PRKCE: variants seen among roughly 807,000 people sequenced by gnomAD.
PRKCE encodes protein kinase C epsilon.
In PRKCE, 16 loss-of-function variants were observed where a neutral mutation model predicts 85.4. That is an observed-to-expected ratio of 0.19 (90% confidence interval 0.13 to 0.28). The LOEUF (loss-of-function observed/expected upper bound fraction) is 0.28, where lower values mean the gene tolerates loss of function less well. Among genes scored for constraint, PRKCE ranks in the 10% least tolerant of loss-of-function variants. The pLI, the probability that PRKCE is intolerant of heterozygous loss-of-function variation, is 1.00. For missense variants in PRKCE, 573 were observed against 975.2 expected (o/e 0.59, Z 5.49); for synonymous variants, 388 against 371.5 (o/e 1.04, Z -0.51).
At position 46,004,136 on chromosome 2, in the gene PRKCE, G is replaced by A; in HGVS notation, c.967-406G>A. Reference sequence around the variant, plus strand: ...CCTTTTCCTGCTGTACCCGTCCAATGTAGATGATGTATTTCTTCCTGTAAA... The same window carrying A: ...CCTTTTCCTGCTGTACCCGTCCAATATAGATGATGTATTTCTTCCTGTAAA... On this transcript the variant is annotated intron_variant, in intron 7 of 14. Coordinates refer to ENST00000306156, the MANE Select transcript of PRKCE (RefSeq NM_005400.3). The surrounding 1 kb of genome is among the most constrained non-coding windows in gnomAD (Gnocchi z 4.1). 1 of 291,402 alleles carries A rather than the reference G, an allele frequency of 3.4e-6. No individual in the cohort carries two copies. 18.1% of individuals were successfully genotyped at this position (291,402 alleles called of 1,614,324 possible).
chr2:45,718,717 G>A (rs1168480104), intron 1 of PRKCE, among the ~76,000 whole-genome samples: 5 of 152,046 alleles, frequency 3.3e-5, no homozygotes, highest in Admixed American at 6.6e-5. Flanking sequence ...TGGGACTCTC[G>A]GATAAGTTTG....
rs1052907867 is a variant in PRKCE at position 45,802,102 on chromosome 2, A to C, written c.349-40898A>C. Among the ~76,000 whole-genome samples, 7 of 150,528 alleles carry C rather than the reference A, an allele frequency of 4.7e-5. No individual in the cohort carries two copies. The South Asian group carries it at 8.4e-4, about 18-fold the overall frequency. ...CTATCTTAAAAAAAAAAAAAAAAAAAACACCCAAAAACTTAGCAGGGTGTG... is the reference window on the plus strand; with the variant it reads ...CTATCTTAAAAAAAAAAAAAAAAAACACACCCAAAAACTTAGCAGGGTGTG... On this transcript the variant is annotated intron_variant, in intron 1 of 14. Transcript: ENST00000306156.
At position 46,044,048 on chromosome 2, in the gene PRKCE, G is replaced by A. The variant is rs1048937380; in HGVS notation, c.1437+33531G>A. ...GTTAGGATTTCATGCCAACCACCTT[G>A]GATGGGAGGCCAAGATACATTTCTA... On this transcript the variant is annotated intron_variant, in intron 10 of 14. Coordinates refer to ENST00000306156, the MANE Select transcript of PRKCE (RefSeq NM_005400.3). 8.5e-5 allele frequency among the ~76,000 whole-genome samples: 13 copies of A among 152,294 alleles called. No individual in the cohort carries two copies. The East Asian group carries it at 2.3e-3, about 27-fold the overall frequency.
intron 1 of PRKCE, among the ~76,000 whole-genome samples, chr2:45,674,143 C>T (rs529014809): frequency 5.6e-4 from 86 of 152,256 alleles, no homozygotes; most frequent in Non-Finnish European, 1.0e-3. Context: ...GGTTGACTTG[C>T]GGCGAAAATG....
chr2:45,744,418 TTTCTTTC>T (rs1372334275), intron 1 of PRKCE, among the ~76,000 whole-genome samples: 112 of 10,232 alleles, frequency 0.011, 1 homozygote, highest in Admixed American at 0.013. Flanking sequence ...TTTTCTTTTC[TTTCTTTC>T]TTTCTTTCTT....
intron 10 of PRKCE, among the ~76,000 whole-genome samples, chr2:46,025,957 A>T (rs975114947): frequency 6.6e-6 from 1 of 152,226 alleles, no homozygotes; most frequent in Non-Finnish European, 1.5e-5. Context: ...AAACACTGGA[A>T]GTCAGTACCT....
chr2:46,095,719 C>T (rs1425202236), intron 11 of PRKCE, among the ~76,000 whole-genome samples: 1 of 152,194 alleles, frequency 6.6e-6, no homozygotes, highest in Non-Finnish European at 1.5e-5. Flanking sequence ...TTTCAAGATT[C>T]CAACATTGTG....
intron 2 of PRKCE, among the ~76,000 whole-genome samples, chr2:45,868,418 G>A (rs1693801797): frequency 6.7e-6 from 1 of 148,524 alleles, no homozygotes; most frequent in East Asian, 2.1e-4. Context: ...TAAGGTATAA[G>A]TAGTTGCTAG....
At chr2:45,816,875 ACAGC>A (rs1689089420) in intron 1 of PRKCE, among the ~76,000 whole-genome samples, 1 of 152,142 alleles carries the variant, frequency 6.6e-6, no homozygotes, top group Non-Finnish European at 1.5e-5. Flanking sequence ...TCCTTTTGGT[ACAGC>A]TCTTTTAAAG....
At chr2:45,749,986 A>T (rs549178321) in intron 1 of PRKCE, among the ~76,000 whole-genome samples, 16 of 152,344 alleles carry the variant, frequency 1.1e-4, no homozygotes, top group African/African-American at 3.8e-4. Context: ...TATTAAAAAA[A>T]TCTTCACTTG....
At chr2:45,740,018 A>G (rs1257495768) in intron 1 of PRKCE, among the ~76,000 whole-genome samples, 1 of 152,146 alleles carries the variant, frequency 6.6e-6, no homozygotes, top group African/African-American at 2.4e-5. Context: ...AGATTCATTC[A>G]AGAATAATTG....
intron 11 of PRKCE, among the ~76,000 whole-genome samples, chr2:46,140,318 G>C (rs1017789797): frequency 1.3e-5 from 2 of 152,184 alleles, no homozygotes; most frequent in African/African-American, 4.8e-5. Flanking sequence ...ATAATTAAAA[G>C]AGTGTGGTAT....
At chr2:46,081,359 T>C (rs1669060046) in intron 10 of PRKCE, among the ~76,000 whole-genome samples, 2 of 152,226 alleles carry the variant, frequency 1.3e-5, no homozygotes, top group South Asian at 4.1e-4. Context: ...TGTTTGCTTT[T>C]AAAAGAGATT....
chr2:46,126,356 G>T lies in PRKCE; in HGVS notation c.1593-18737G>T, dbSNP rs148462850. On this transcript the variant is annotated intron_variant, in intron 11 of 14. Transcript: ENST00000306156. Reference sequence around the variant, plus strand: ...TTGTAGACCTCGCTGCCTATTGGGGGCATTCACATTTTCTTGTAATATATA... The same window carrying T: ...TTGTAGACCTCGCTGCCTATTGGGGTCATTCACATTTTCTTGTAATATATA... 1.6e-3 allele frequency among the ~76,000 whole-genome samples: 239 copies of T among 152,148 alleles called. 2 individuals are homozygous for T. The highest frequency in any genetic ancestry group is 5.4e-3 in the African/African-American group (225 of 41,488).
intron 1 of PRKCE, among the ~76,000 whole-genome samples, chr2:45,686,893 T>C (rs1677340035): frequency 6.6e-6 from 1 of 152,146 alleles, no homozygotes. Flanking sequence ...TATTCAATAG[T>C]TTGGGACAAC....
intron 2 of PRKCE, among the ~76,000 whole-genome samples, chr2:45,959,535 C>T (rs1186002944): frequency 6.6e-6 from 1 of 152,152 alleles, no homozygotes; most frequent in African/African-American, 2.4e-5. Context: ...TTTGTGGCCT[C>T]AGTATTGAGG....
intron 11 of PRKCE, among the ~76,000 whole-genome samples, chr2:46,122,191 T>C (rs1362471294): frequency 6.6e-6 from 1 of 152,088 alleles, no homozygotes; most frequent in East Asian, 1.9e-4. Flanking sequence ...TAGTTTTGTA[T>C]TTAGGTCTCT....
At chr2:45,932,617 T>C (rs2104071217) in intron 2 of PRKCE, among the ~76,000 whole-genome samples, 1 of 152,096 alleles carries the variant, frequency 6.6e-6, no homozygotes, top group East Asian at 2.0e-4. Flanking sequence ...TATGTTTTAT[T>C]GTATCTTTTT....
At chr2:45,961,568 G>T (rs1451621163) in intron 2 of PRKCE, among the ~76,000 whole-genome samples, 1 of 152,180 alleles carries the variant, frequency 6.6e-6, no homozygotes, top group Non-Finnish European at 1.5e-5. Context: ...TAGCACCTGG[G>T]GACAGGCAGA....
Sources: gnomAD v4.1 joint callset for allele counts (sites outside exome capture counted in the v4.1 genomes callset) on GRCh38, gnomAD v4.1.1 for gene constraint, Gnocchi (gnomAD v3.1) non-coding constraint, MANE v1.5 for transcripts, NCBI Gene and HGNC (gene_info 2026-07-23, HGNC 2026-07-21) for gene names.